The following CKMT1A variants were observed in gnomAD, a reference collection of about 807,000 sequenced individuals.
The protein encoded by CKMT1A is creatine kinase U-type, mitochondrial.
CKMT1A carries 23 observed loss-of-function variants against 21.8 expected under a neutral mutation model. The observed-to-expected ratio is 1.05, with a 90% CI of 0.76 to 1.49. The LOEUF (loss-of-function observed/expected upper bound fraction) is 1.49. CKMT1A is among the 40% of genes most tolerant of loss of function. The pLI is 0.00. For missense variants in CKMT1A, 154 were observed against 229.4 expected, an observed-to-expected ratio of 0.67 and a Z score of 2.12; for synonymous variants, 67 against 80.4, an observed-to-expected ratio of 0.83 and a Z score of 0.89.
Position 43,695,725 on chromosome 15 carries a change from C to T in CKMT1A, c.482C>T (p.Ser161Phe). ...TACTTTGATGAGAGGTATGTATTGTCCTCTAGAGTCAGAACTGGCCGAAGC... is the reference window on the plus strand; with the variant it reads ...TACTTTGATGAGAGGTATGTATTGTTCTCTAGAGTCAGAACTGGCCGAAGC... ...SGYFDERYVL[S>F]SRVRTGRSIR... Residue 161 changes from serine to phenylalanine, a missense_variant, in exon 4 of 9, where the codon TCC (serine) becomes TTC (phenylalanine). By Grantham distance (155) the Ser-to-Phe change is radical (BLOSUM62 -2). Transcript: ENST00000413453. The T allele has an allele frequency of 9.8e-6, 1 of 101,558 alleles. No homozygotes were observed. The highest frequency in any genetic ancestry group is 7.7e-5 in the South Asian group (1 of 12,950). 6.3% of individuals were successfully genotyped at this position (101,558 alleles called of 1,614,324 possible).
intron 7 of CKMT1A, among the ~76,000 whole-genome samples, chr15:43,698,403 C>T (rs1165593021): frequency 6.6e-6 from 1 of 150,684 alleles, no homozygotes; most frequent in Non-Finnish European, 1.5e-5. Flanking sequence ...CAAAAGTTAG[C>T]TGGGTGTAGT....
chr15:43,697,487 T>C lies in CKMT1A; in HGVS notation c.877-527T>C, dbSNP rs3866945. ...TAATGGAAGCAAAATGCCTTCCCCC[T>C]GTCCCCTATTCCTATGAATCTGGCT... On this transcript the variant is annotated intron_variant, in intron 6 of 8. Coordinates refer to ENST00000413453, the MANE Select transcript of CKMT1A (RefSeq NM_001321926.2). 1.7e-5 allele frequency: 17 copies of C among 983,982 alleles called. No individual in the cohort carries two copies. The Admixed American group carries it at 1.8e-4, about 11-fold the overall frequency. The allele number at this position is 983,982 out of a possible 1,614,324, so 61.0% of individuals were successfully genotyped here. A position where few individuals can be genotyped will look rare whatever the true frequency, so the allele number is the denominator to read the frequency against.
intron 6 of CKMT1A, 71 bp downstream of exon 6, chr15:43,696,434 T>C: frequency 6.2e-7 from 1 of 1,604,910 alleles, no homozygotes; most frequent in Non-Finnish European, 8.5e-7. Flanking sequence ...ATAAATAGAT[T>C]ATGTAATTTA....
intron 6 of CKMT1A, chr15:43,697,339 A>G: frequency 8.0e-7 from 1 of 1,256,440 alleles, no homozygotes; most frequent in Non-Finnish European, 1.0e-6. Flanking sequence ...CCCTGGTGGC[A>G]TGGTTCCTTC....
chr15:43,697,310 T>C (rs2086461584), intron 6 of CKMT1A: 1 of 1,273,224 alleles, frequency 7.9e-7, no homozygotes, highest in Non-Finnish European at 1.0e-6. Context: ...TTTCCCCCCA[T>C]GTTCAGCACA....
At chr15:43,697,376 C>G in intron 6 of CKMT1A, 1 of 984,898 alleles carries the variant, frequency 1.0e-6, no homozygotes, top group Non-Finnish European at 1.2e-6. Context: ...TCCCTTTACT[C>G]ATGTTGGATA....
At chr15:43,698,840 CCGGG>C in intron 8 of CKMT1A, 74 bp downstream of exon 8, 1 of 1,606,270 alleles carries the variant, frequency 6.2e-7, no homozygotes, top group Non-Finnish European at 8.5e-7. Context: ...GAGTGAGCCT[CCGGG>C]ATGTAACATA....
intron 4 of CKMT1A, 57 bp downstream of exon 4, chr15:43,695,966 AT>A: frequency 2.8e-6 from 1 of 353,900 alleles, no homozygotes; most frequent in Non-Finnish European, 4.8e-6. Context: ...GCTGGGCCAG[AT>A]GAGACATGGG....
chr15:43,698,107 C>T lies in CKMT1A; in HGVS notation c.970C>T (p.Leu324Phe). The T allele has an allele frequency of 6.2e-7, 1 of 1,612,940 alleles. No homozygotes were observed. Among genetic ancestry groups the T allele is most frequent in the African/African-American group, 1.3e-5 (1 of 74,876 alleles). The change falls in exon 7 of 9, where the codon CTT (leucine) becomes TTT (phenylalanine). Residue 324 changes from leucine (L) to phenylalanine (F), a missense_variant. Physicochemically the swap from Leu to Phe is conservative, Grantham distance 22. Transcript: ENST00000413453. ...CTGTCCATCTAACCTGGGCACTGGACTTCGGGCAGGAGTGCACATCAAACT... is the reference window on the plus strand; with the variant it reads ...CTGTCCATCTAACCTGGGCACTGGATTTCGGGCAGGAGTGCACATCAAACT... ...LTCPSNLGTG[L>F]RAGVHIKLPL...
chr15:43,698,179 T>C, intron 7 of CKMT1A, 31 bp downstream of exon 7: 1 of 1,599,564 alleles, frequency 6.3e-7, no homozygotes, highest in Non-Finnish European at 8.5e-7. Flanking sequence ...CAGAGGGGTG[T>C]GAGTAAGGAA....
chr15:43,699,152 A>T lies in CKMT1A; in HGVS notation c.*63A>T. 7 of 1,612,674 alleles carry T rather than the reference A, an allele frequency of 4.3e-6. 1 individual carries two copies. The highest frequency in any genetic ancestry group is 5.9e-6 in the Non-Finnish European group (7 of 1,179,380). On this transcript the variant is annotated 3_prime_UTR_variant, in exon 9 of 9. Transcript: ENST00000413453. ...GTTCTGCTCATTCTAATGATGGCCC[A>T]TTCTACTTGCTCTGGACCTGCCCTC...
chr15:43,698,798 G>T lies in CKMT1A; in HGVS notation c.1137+32G>T, dbSNP rs770213438. On this transcript the variant is annotated intron_variant, in intron 8 of 8. Coordinates refer to ENST00000413453, the MANE Select transcript of CKMT1A (RefSeq NM_001321926.2). ...TCCTAAGGGATTAGGATGAGGAGAG[G>T]TATAGGTCTGTGGGGGCTGAAATAT... The T allele has an allele frequency of 8.7e-6, 14 of 1,612,808 alleles. No homozygotes were observed. The South Asian group carries it at 1.4e-4, about 16-fold the overall frequency.
chr15:43,697,479 C>G, intron 6 of CKMT1A: 1 of 984,404 alleles, frequency 1.0e-6, no homozygotes, highest in Non-Finnish European at 1.2e-6. Context: ...AGCAAAATGC[C>G]TTCCCCCTGT....
chr15:43,696,646 C>G (rs2086451517), intron 6 of CKMT1A: 1 of 513,364 alleles, frequency 1.9e-6, no homozygotes, highest in African/African-American at 2.0e-5. Flanking sequence ...CACGTCAGTG[C>G]CTGGGATGTG....
intron 6 of CKMT1A, chr15:43,697,432 C>G: frequency 1.0e-6 from 1 of 984,956 alleles, no homozygotes; most frequent in Non-Finnish European, 1.2e-6. Context: ...GTCTCTTGAA[C>G]TCTAATAGTC....
At chr15:43,698,809 T>G in intron 8 of CKMT1A, 43 bp downstream of exon 8, 4 of 1,596,552 alleles carry the variant, frequency 2.5e-6, no homozygotes, top group Non-Finnish European at 3.4e-6. Flanking sequence ...TATAGGTCTG[T>G]GGGGGCTGAA....
chr15:43,697,790 T>G, intron 6 of CKMT1A: 1 of 984,752 alleles, frequency 1.0e-6, no homozygotes, highest in Non-Finnish European at 1.2e-6. Context: ...CCACATAAGA[T>G]ATTTTTTCAC....
At position 43,698,402 on chromosome 15, in the gene CKMT1A, G is replaced by A. The variant is rs539701323; in HGVS notation, c.1012-239G>A. ...ATCTCTACTACAAATACAAAAGTTA[G>A]CTGGGTGTAGTGGAGGCTGAGGTGA... On this transcript the variant is annotated intron_variant, in intron 7 of 8. Coordinates refer to ENST00000413453, the MANE Select transcript of CKMT1A (RefSeq NM_001321926.2). Among the ~76,000 whole-genome samples, 8 of 151,368 alleles carry A rather than the reference G, an allele frequency of 5.3e-5. No individual in the cohort carries two copies. The South Asian group carries it at 1.5e-3, about 28-fold the overall frequency.
intron 6 of CKMT1A, chr15:43,697,655 C>G: frequency 2.0e-6 from 2 of 985,062 alleles, no homozygotes; most frequent in Non-Finnish European, 2.4e-6. Context: ...GGCTCATTAG[C>G]AAAGCAAAGA....
Sources: allele counts gnomAD v4.1 joint callset (sites outside exome capture counted in the v4.1 genomes callset), GRCh38; gene constraint gnomAD v4.1.1; transcripts MANE v1.5; gene names NCBI Gene and HGNC (gene_info 2026-07-23, HGNC 2026-07-21).